LARP4B: variants seen among roughly 807,000 people sequenced by gnomAD.
LARP4B encodes the protein la-related protein 4B.
In LARP4B, 12 loss-of-function variants were observed where a neutral mutation model predicts 89.8. The ratio of observed to expected loss-of-function variants is 0.13; its 90% CI spans 0.09 to 0.22. The LOEUF (loss-of-function observed/expected upper bound fraction) is 0.22. LARP4B is among the 10% of genes least tolerant of loss of function. The pLI is 1.00. For synonymous variants in LARP4B, 367 were observed against 363.3 expected (o/e 1.01, Z -0.12); for missense variants, 757 against 947.7 (o/e 0.80, Z 2.64).
At chr10:965,501 G>A in the LARP4B span, among the ~76,000 whole-genome samples, 15 of 151,962 alleles carry the variant, frequency 9.9e-5, no homozygotes, top group African/African-American at 3.1e-4. Flanking sequence ...CAGTCTGGTC[G>A]GAGACACCAA....
intron 7 of LARP4B, among the ~76,000 whole-genome samples, chr10:842,432 A>C (rs1833568178): frequency 6.6e-6 from 1 of 152,046 alleles, no homozygotes. Context: ...TCCTGACCTC[A>C]TGATCCGCCC....
chr10:893,191 G>A (rs1836087595), intron 1 of LARP4B, among the ~76,000 whole-genome samples: 1 of 151,950 alleles, frequency 6.6e-6, no homozygotes, highest in Non-Finnish European at 1.5e-5. Flanking sequence ...TGGGATTACA[G>A]GAGTGAGCCA....
At chr10:824,106 A>G (rs1319458479) in intron 13 of LARP4B, among the ~76,000 whole-genome samples, 2 of 152,228 alleles carry the variant, frequency 1.3e-5, no homozygotes, top group African/African-American at 4.8e-5. Flanking sequence ...AACACCCTGA[A>G]AAAGCTCAGG....
intron 1 of LARP4B, among the ~76,000 whole-genome samples, chr10:892,902 ATTTTTT>A (rs56051964): frequency 2.5e-5 from 3 of 117,950 alleles, no homozygotes; most frequent in Non-Finnish European, 3.3e-5. Context: ...ACCAAGAGAA[ATTTTTT>A]TTTTTTTTTT....
rs1275793879 is a variant in LARP4B, at chr10:814,066, G to A, written c.1929+676C>T. 6.6e-6 allele frequency among the ~76,000 whole-genome samples: 1 copy of A among 151,954 alleles called. No individual in the cohort carries two copies. Among genetic ancestry groups the A allele is most frequent in the Admixed American group, 6.5e-5 (1 of 15,270 alleles). ...TCTGCCTACCTCGGCCTCCCAAAGT[G>A]CTGGGATTACAGGCGTGAGCCACAG... is the stretch of plus-strand genomic sequence containing the variant. On this transcript the variant is annotated intron_variant, in intron 17 of 17. Coordinates refer to ENST00000316157, the MANE Select transcript of LARP4B (RefSeq NM_015155.3). This position sits in a 1 kb window ranked among gnomAD's most constrained non-coding sequence, Gnocchi z 4.4.
intron 5 of LARP4B, among the ~76,000 whole-genome samples, chr10:857,638 CGG>C (rs1564410027): frequency 5.9e-5 from 9 of 152,152 alleles, no homozygotes; most frequent in African/African-American, 2.2e-4. Flanking sequence ...GTCAAGCGCT[CGG>C]GAGTTTGTCT....
downstream of LARP4B, chr10:807,346 A>G (rs955883423): frequency 6.6e-6 from 1 of 152,292 alleles, no homozygotes; most frequent in Non-Finnish European, 1.5e-5. Context: ...TATGTAGTAA[A>G]CACAGTGAGC....
At chr10:818,176 C>T (rs1410789410) in intron 14 of LARP4B, 6 of 285,790 alleles carry the variant, frequency 2.1e-5, no homozygotes, top group South Asian at 8.4e-5. Flanking sequence ...CCAGCACTCA[C>T]GAACAGCAGG....
intron 8 of LARP4B, among the ~76,000 whole-genome samples, chr10:834,853 A>G (rs1439727062): frequency 6.6e-6 from 1 of 152,108 alleles, no homozygotes; most frequent in East Asian, 1.9e-4. Flanking sequence ...TAATCATAAG[A>G]AATATGCTGG....
In LARP4B at chr10:867,876, A is replaced by C. The variant is rs908329452; in HGVS notation, c.142-3606T>G. Among the ~76,000 whole-genome samples, 23 of 151,168 alleles carry C rather than the reference A, an allele frequency of 1.5e-4. No individual in the cohort carries two copies. In the East Asian group the frequency reaches 2.1e-3, roughly 14 times the overall value. ...ACTCCATCCTTGAAAAAAAAAAAAA[A>C]AAAAAAAAAACTCCAGTGTCGTCTG... is the stretch of plus-strand genomic sequence containing the variant. On this transcript the variant is annotated intron_variant, in intron 3 of 17. Transcript: ENST00000316157.
At chr10:950,632 C>G in the LARP4B span, among the ~76,000 whole-genome samples, 1 of 152,034 alleles carries the variant, frequency 6.6e-6, no homozygotes, top group African/African-American at 2.4e-5. Context: ...CGATGAACAC[C>G]CTGCGTCTCT....
rs938817287 is a variant in LARP4B at position 844,720 on chromosome 10, G to A, written c.509+257C>T. Reference sequence around the variant, plus strand: ...ACTTCAGTGTGAGGAAGTCTGACTCGGCAGCACAGGGCGGGCGGGGCACTT... The same window carrying A: ...ACTTCAGTGTGAGGAAGTCTGACTCAGCAGCACAGGGCGGGCGGGGCACTT... On this transcript the variant is annotated intron_variant, in intron 6 of 17. Coordinates refer to ENST00000316157, the MANE Select transcript of LARP4B (RefSeq NM_015155.3). Among the ~76,000 whole-genome samples the A allele has an allele frequency of 9.2e-5, 14 of 151,822 alleles. 1 individual carries two copies. Among genetic ancestry groups the A allele is most frequent in the Non-Finnish European group, 1.3e-4 (9 of 67,984 alleles).
intron 3 of LARP4B, among the ~76,000 whole-genome samples, chr10:880,966 G>A (rs1216209919): frequency 6.6e-6 from 1 of 152,166 alleles, no homozygotes; most frequent in Non-Finnish European, 1.5e-5. Flanking sequence ...AACAGAAAAT[G>A]GTTTCCAGGC....
chr10:974,148 G>A, the LARP4B span, among the ~76,000 whole-genome samples: 1 of 152,142 alleles, frequency 6.6e-6, no homozygotes, highest in Non-Finnish European at 1.5e-5. Context: ...GTCTGGGAGA[G>A]CTGGTTTGGA....
intron 5 of LARP4B, among the ~76,000 whole-genome samples, chr10:854,006 A>C: frequency 6.6e-6 from 1 of 152,228 alleles, no homozygotes; most frequent in East Asian, 1.9e-4. Context: ...GGTTTATGGA[A>C]TATTCTAAAT....
At chr10:820,911 T>C in intron 13 of LARP4B, 66 bp from the exon 14 acceptor site, 2 of 1,385,140 alleles carry the variant, frequency 1.4e-6, no homozygotes, top group Non-Finnish European at 2.0e-6. Context: ...ATTGAGCACG[T>C]TTGCACTCAC....
chr10:934,800 T>A (rs1166056350), upstream of LARP4B, among the ~76,000 whole-genome samples: 1 of 152,232 alleles, frequency 6.6e-6, no homozygotes, highest in Admixed American at 6.5e-5. Context: ...CTGTCAATCC[T>A]ACCTAAAAAC....
intron 3 of LARP4B, chr10:873,366 A>C (rs778705350): frequency 4.1e-6 from 4 of 985,312 alleles, no homozygotes; most frequent in Non-Finnish European, 4.8e-6. Context: ...TCCAAACAGG[A>C]CCAGGATCCA....
the LARP4B span, among the ~76,000 whole-genome samples, chr10:960,203 A>AGTAATAAGATGAGTGATTGCCAGGGGTTG: frequency 1.3e-5 from 2 of 152,178 alleles, no homozygotes; most frequent in African/African-American, 4.8e-5. Context: ...TAATAAGATC[A>AGTAATAAGATGAGTGATTGCCAGGGGTTG]GTAATAAGAT....
Sources: gnomAD v4.1 joint callset for allele counts (sites outside exome capture counted in the v4.1 genomes callset) on GRCh38, gnomAD v4.1.1 for gene constraint, Gnocchi (gnomAD v3.1) non-coding constraint, MANE v1.5 for transcripts, NCBI Gene and HGNC (gene_info 2026-07-23, HGNC 2026-07-21) for gene names.